WASHC5: variants seen among roughly 807,000 people sequenced by gnomAD.
WASHC5 encodes WASH complex subunit strumpellin.
A neutral mutation model predicts 150.4 loss-of-function variants in WASHC5; 101 were observed. That is an observed-to-expected ratio of 0.67 (90% CI 0.57 to 0.79). WASHC5 has a LOEUF of 0.79. WASHC5 is among the 30% of genes least tolerant of loss of function. WASHC5 has a pLI of 0.00. For missense variants in WASHC5, 1,195 were observed against 1,396.3 expected (o/e 0.86, Z 2.30); for synonymous variants, 467 against 491.2 (o/e 0.95, Z 0.65).
rs186741990 is a variant in WASHC5 at position 125,029,433 on chromosome 8, G to C, written c.3336-726C>G. On this transcript the variant is annotated intron_variant, in intron 27 of 28. Coordinates refer to ENST00000318410, the MANE Select transcript of WASHC5 (RefSeq NM_014846.4). ...CTGATTCTCCTGGGCTGTCATAATA[G>C]TTAGCAGCATTCTCCAAGCCTCTTA... Among the ~76,000 whole-genome samples, 4 of 152,170 alleles carry C rather than the reference G, an allele frequency of 2.6e-5. No individual in the cohort carries two copies. The South Asian group carries it at 6.2e-4, about 24-fold the overall frequency.
intron 26 of WASHC5, among the ~76,000 whole-genome samples, chr8:125,033,193 G>A (rs1815591226): frequency 6.6e-6 from 1 of 152,126 alleles, no homozygotes; most frequent in Non-Finnish European, 1.5e-5. Flanking sequence ...AACAGTGTTG[G>A]GAAGGTTTAG....
In WASHC5 at chr8:125,043,881, A is replaced by T. The variant is rs1296605223; in HGVS notation, c.2794T>A (p.Ser932Thr). 7 of 1,613,132 alleles carry T rather than the reference A, an allele frequency of 4.3e-6. No homozygotes were observed. Among genetic ancestry groups the T allele is most frequent in the Non-Finnish European group, 5.9e-6 (7 of 1,179,098 alleles). Residue 932 changes from serine to threonine, a missense_variant, in exon 23 of 29, where the codon TCC becomes ACC. By Grantham distance (58) the Ser-to-Thr change is moderately conservative (BLOSUM62 1). Transcript: ENST00000318410. Reference sequence around the variant, plus strand: ...ATCTTCTGTGTTTTGGCAATGGCGGAAAAATAAATTTTATTTGAATTTGCT... The same window carrying T: ...ATCTTCTGTGTTTTGGCAATGGCGGTAAAATAAATTTTATTTGAATTTGCT... ...IVANSNKIYFSAIAKTQKIWT... is the reference protein window; with the variant it reads ...IVANSNKIYFTAIAKTQKIWT...
Position 125,050,560 on chromosome 8 carries a change from G to A in WASHC5, c.2199+4C>T. 1 of 1,610,412 alleles carries A rather than the reference G, an allele frequency of 6.2e-7. No homozygotes were observed. The highest frequency in any genetic ancestry group is 1.1e-5 in the South Asian group (1 of 90,986). ...AGGACAGGCCCACTCTGGTCACTGGGTACCTTGGCTCGAGGGTTGAATATC... is the reference window on the plus strand; with the variant it reads ...AGGACAGGCCCACTCTGGTCACTGGATACCTTGGCTCGAGGGTTGAATATC... On this transcript the variant is annotated splice_donor_region_variant and intron_variant, in intron 18 of 28. Coordinates refer to ENST00000318410, the MANE Select transcript of WASHC5 (RefSeq NM_014846.4).
At chr8:125,081,926 T>C (rs1386597600) in intron 4 of WASHC5, among the ~76,000 whole-genome samples, 165 bp from the exon 5 acceptor site, 13 of 152,276 alleles carry the variant, frequency 8.5e-5, no homozygotes, top group Non-Finnish European at 5.9e-5. Context: ...TCTTGCCGAA[T>C]GGGCCTTGAA....
chr8:125,048,000 T>TGA (rs1816125190), intron 19 of WASHC5, among the ~76,000 whole-genome samples: 2 of 152,224 alleles, frequency 1.3e-5, no homozygotes, highest in Admixed American at 1.3e-4. Context: ...CATGAGCTAC[T>TGA]GTACCTGGCC....
chr8:125,075,880 T>A (rs1586380865), intron 7 of WASHC5, among the ~76,000 whole-genome samples: 1 of 152,204 alleles, frequency 6.6e-6, no homozygotes, highest in Non-Finnish European at 1.5e-5. Context: ...AATGAAACAA[T>A]GCTTACAAAG....
intron 1 of WASHC5, among the ~76,000 whole-genome samples, chr8:125,091,327 G>GAC (rs990109065): frequency 5.3e-5 from 8 of 152,186 alleles, no homozygotes; most frequent in Admixed American, 3.3e-4. Context: ...AAATAACGAC[G>GAC]ACATCCATAC....
chr8:125,025,189 T>C (rs554699890), intron 28 of WASHC5, among the ~76,000 whole-genome samples: 35 of 152,184 alleles, frequency 2.3e-4, no homozygotes, highest in African/African-American at 7.9e-4. Context: ...TTGGGCTCAG[T>C]TGGGTAGAAT....
intron 9 of WASHC5, 35 bp from the exon 10 acceptor site, chr8:125,067,754 T>G (rs1193044496): frequency 1.5e-5 from 24 of 1,607,142 alleles, no homozygotes; most frequent in Non-Finnish European, 8.5e-7. Flanking sequence ...GCTTACTAAA[T>G]GTGTAGAAAA....
chr8:125,030,836 C>T (rs980005999), intron 27 of WASHC5, among the ~76,000 whole-genome samples: 11 of 152,192 alleles, frequency 7.2e-5, no homozygotes, highest in African/African-American at 2.6e-4. Flanking sequence ...AAAAGTCACT[C>T]ACTATGGTGA....
intron 17 of WASHC5, among the ~76,000 whole-genome samples, chr8:125,051,705 T>C (rs868447307): frequency 1.3e-5 from 2 of 152,126 alleles, no homozygotes; most frequent in African/African-American, 4.8e-5. Context: ...CTGACCAACA[T>C]GGAGAAACCC....
At chr8:125,035,223 A>G (rs1453761705) in intron 26 of WASHC5, among the ~76,000 whole-genome samples, 2 of 152,350 alleles carry the variant, frequency 1.3e-5, no homozygotes, top group Admixed American at 1.3e-4. Context: ...CCACATTTCT[A>G]GGATACATAA....
intron 20 of WASHC5, among the ~76,000 whole-genome samples, 186 bp downstream of exon 20, chr8:125,047,021 C>T (rs933738251): frequency 6.6e-6 from 1 of 152,204 alleles, no homozygotes; most frequent in African/African-American, 2.4e-5. Flanking sequence ...GGTCAGGTTC[C>T]TCACGAGTGA....
In WASHC5 at chr8:125,083,975, T is replaced by C. The variant is rs1024801709; in HGVS notation, c.-77A>G. 2 of 1,382,136 alleles carry C rather than the reference T, an allele frequency of 1.4e-6. No individual in the cohort carries two copies. Among genetic ancestry groups the C allele is most frequent in the Admixed American group, 1.9e-5 (1 of 52,504 alleles). 85.6% of individuals were successfully genotyped at this position (1,382,136 alleles called of 1,614,324 possible). A position where few individuals can be genotyped will look rare whatever the true frequency, so the allele number is the denominator to read the frequency against. On this transcript the variant is annotated 5_prime_UTR_variant, in exon 2 of 29. Coordinates refer to ENST00000318410, the MANE Select transcript of WASHC5 (RefSeq NM_014846.4). ...CCTCAGAGCTGGTGTCTGTATATTATTAGATGAAACCAGGTGTGCAGAGAG... is the reference window on the plus strand; with the variant it reads ...CCTCAGAGCTGGTGTCTGTATATTACTAGATGAAACCAGGTGTGCAGAGAG...
In WASHC5 at chr8:125,091,607, CCA is replaced by C. The variant is rs1465358426; in HGVS notation, c.-125+6_-125+7del. Reference sequence around the variant, plus strand: ...AAAATGGGGCGCGCTCACTCCATCCCCACTCACCTGTCAGCCGGGCCGCGCCA... The same window carrying C: ...AAAATGGGGCGCGCTCACTCCATCCCCTCACCTGTCAGCCGGGCCGCGCCA... On this transcript the variant is annotated splice_donor_region_variant and intron_variant, in intron 1 of 28. Transcript: ENST00000318410. The C allele has an allele frequency of 6.6e-6, 1 of 152,414 alleles. No individual in the cohort carries two copies. The highest frequency in any genetic ancestry group is 2.4e-5 in the African/African-American group (1 of 41,458). The allele number at this position is 152,414 out of a possible 1,614,324, so 9.4% of individuals were successfully genotyped here.
chr8:125,080,354 A>G (rs1388274907), intron 5 of WASHC5, among the ~76,000 whole-genome samples: 1 of 152,144 alleles, frequency 6.6e-6, no homozygotes, highest in East Asian at 1.9e-4. Flanking sequence ...TTCAAATCTC[A>G]TTTTTAAAAA....
intron 9 of WASHC5, among the ~76,000 whole-genome samples, chr8:125,072,350 A>AAAAG (rs1816921511): frequency 7.7e-5 from 1 of 13,000 alleles, no homozygotes; most frequent in African/African-American, 4.0e-4. Context: ...AAAAAAAAAA[A>AAAAG]GTGGGGGGGG....
intron 12 of WASHC5, 36 bp downstream of exon 12, chr8:125,061,046 G>A (rs888659632): frequency 1.7e-6 from 2 of 1,200,722 alleles, no homozygotes; most frequent in African/African-American, 3.0e-5. Context: ...TGTGATTCAT[G>A]ATCCAAGAAC....
At position 125,057,593 on chromosome 8, in the gene WASHC5, T is replaced by G. The variant is rs765513981; in HGVS notation, c.1838A>C (p.Gln613Pro). 2 of 1,613,696 alleles carry G rather than the reference T, an allele frequency of 1.2e-6. No homozygotes were observed. The highest frequency in any genetic ancestry group is 1.7e-6 in the Non-Finnish European group (2 of 1,179,660). The stretch of plus-strand genomic sequence containing the variant: ...GGATACCAACTCTCCAGAATAGTAC[T>G]GTGACACGCTGAGCAGGTCGGGGCT... ...ANSPDLLSVS[Q>P]YYSGELVSYV... is the part of the protein sequence containing the mutation. The change falls in exon 15 of 29, where the codon CAG becomes CCG. Residue 613 changes from glutamine (Q) to proline (P), a missense_variant. Coordinates refer to ENST00000318410, the MANE Select transcript of WASHC5 (RefSeq NM_014846.4).
Sources: gnomAD v4.1 joint callset for allele counts (sites outside exome capture counted in the v4.1 genomes callset) on GRCh38, gnomAD v4.1.1 for gene constraint, MANE v1.5 for transcripts, NCBI Gene and HGNC (gene_info 2026-07-23, HGNC 2026-07-21) for gene names.